Variants in GNRH2 observed in about 807,000 individuals in gnomAD.
GNRH2 encodes the protein progonadoliberin-2.
In GNRH2, 15 loss-of-function variants were observed where a neutral mutation model predicts 12.1. The ratio of observed to expected loss-of-function variants is 1.24; its 90% CI spans 0.83 to 1.90. The LOEUF (loss-of-function observed/expected upper bound fraction) is 1.90, where lower values mean the gene tolerates loss of function less well. Among genes scored for constraint, GNRH2 ranks in the 40% most tolerant of loss-of-function variants. The probability of loss-of-function intolerance (pLI) is 0.00; values close to 1 mark genes in which losing one functional copy is unlikely to be tolerated. For synonymous variants in GNRH2, 60 were observed against 62.0 expected, an observed-to-expected ratio of 0.97 and a Z score of 0.15; for missense variants, 143 against 141.4, an observed-to-expected ratio of 1.01 and a Z score of -0.06.
Position 3,044,586 on chromosome 20 carries a change from TCA to T in GNRH2, c.154+19_154+20del, listed in dbSNP as rs778412790. 5 of 1,612,060 alleles carry T rather than the reference TCA, an allele frequency of 3.1e-6. No individual in the cohort carries two copies. The highest frequency in any genetic ancestry group is 4.2e-6 in the Non-Finnish European group (5 of 1,178,810). On this transcript the variant is annotated intron_variant, in intron 2 of 3. Transcript: ENST00000359100. ...GCCCCCAGGTGGGTGTCTCCCAGCC[TCA>T]TGGGGAGGAAGAAAGTGATGGCCGG...
At position 3,044,430 on chromosome 20, in the gene GNRH2, C is replaced by T. The variant is rs144772130; in HGVS notation, c.16C>T (p.Arg6Ter). The T allele has an allele frequency of 1.6e-4, 254 of 1,613,286 alleles. No homozygotes were observed. The highest frequency in any genetic ancestry group is 2.0e-4 in the Non-Finnish European group (236 of 1,179,640). The part of the protein sequence containing the change: MASSR[R>*]GLLLLLLLTA... The stretch of plus-strand genomic sequence containing the variant: ...TAGAGCAGCCATGGCCAGCTCCAGG[C>T]GAGGCCTCCTGCTCCTGCTGCTGCT... Residue 6 changes from arginine to a stop codon, truncating the protein, a stop_gained, in exon 2 of 4, where the codon CGA (arginine) becomes TGA (stop). Coordinates refer to ENST00000359100, the MANE Select transcript of GNRH2 (RefSeq NM_178331.2). LOFTEE classifies it high-confidence loss of function.
At chr20:3,044,364 G>A (rs376975846) in intron 1 of GNRH2, 44 bp from the exon 2 acceptor site, 4 of 1,548,476 alleles carry the variant, frequency 2.6e-6, no homozygotes, top group Admixed American at 3.4e-5. Flanking sequence ...AGGGGGATGT[G>A]GGGGTGAGGT....
chr20:3,044,489 C>G lies in GNRH2; in HGVS notation c.75C>G (p.His25Gln). ...TAHLGPSEAQ[H>Q]WSHGWYPGGK... ...ACCTTGGACCCTCAGAGGCTCAGCACTGGTCCCATGGCTGGTACCCTGGAG... is the reference window on the plus strand; with the variant it reads ...ACCTTGGACCCTCAGAGGCTCAGCAGTGGTCCCATGGCTGGTACCCTGGAG... The change falls in exon 2 of 4, where the codon CAC becomes CAG. Residue 25 changes from histidine to glutamine, a missense_variant. Coordinates refer to ENST00000359100, the MANE Select transcript of GNRH2 (RefSeq NM_178331.2). The G allele has an allele frequency of 6.2e-7, 1 of 1,613,752 alleles. No homozygotes were observed. Among genetic ancestry groups the G allele is most frequent in the Non-Finnish European group, 8.5e-7 (1 of 1,179,878 alleles).
At chr20:3,044,957 C>A in intron 3 of GNRH2, 121 bp downstream of exon 3, 1 of 734,042 alleles carries the variant, frequency 1.4e-6, no homozygotes, top group Non-Finnish European at 2.3e-6. Flanking sequence ...TGCCCCCTGC[C>A]ACAGCACCCC....
chr20:3,044,932 G>C (rs981482638), intron 3 of GNRH2, 96 bp downstream of exon 3: 8 of 973,754 alleles, frequency 8.2e-6, no homozygotes, highest in Admixed American at 2.3e-5. Context: ...TGGGGAGAAT[G>C]AAACACCACT....
chr20:3,044,611 C>A (rs753061517), intron 2 of GNRH2, 43 bp downstream of exon 2: 3 of 1,609,744 alleles, frequency 1.9e-6, no homozygotes, highest in African/African-American at 2.7e-5. Flanking sequence ...AAGTGATGGC[C>A]GGGGGCTCCC....
chr20:3,045,705 G>GCCCCCC lies in GNRH2; in HGVS notation c.315_316insCCCCCC (p.Pro105_Ala106insProPro). ...CCGCAGACCGCAGCCCGAGAGCCCC[G>GCCCCCC]CCCCGCCCCGCCATCCTCCAATAAA... On this transcript the variant is annotated inframe_insertion, in exon 4 of 4. Transcript: ENST00000359100. 4 of 1,563,914 alleles carry GCCCCCC rather than the reference G, an allele frequency of 2.6e-6. No homozygotes were observed. Among genetic ancestry groups the GCCCCCC allele is most frequent in the Non-Finnish European group, 3.5e-6 (4 of 1,136,658 alleles).
At chr20:3,044,937 A>C (rs2065973662) in intron 3 of GNRH2, 101 bp downstream of exon 3, 6 of 917,530 alleles carry the variant, frequency 6.5e-6, no homozygotes, top group Middle Eastern at 3.3e-4. Context: ...AGAATGAAAC[A>C]CCACTGAGAT....
chr20:3,045,655 T>C (rs763885965), intron 3 of GNRH2, 31 bp from the exon 4 acceptor site: 1 of 1,592,582 alleles, frequency 6.3e-7, no homozygotes, highest in East Asian at 2.2e-5. Context: ...ACCAGTGTCC[T>C]GAGACATGAC....
At chr20:3,043,735 GCTC>G (rs2065957698) in intron 1 of GNRH2, 70 bp downstream of exon 1, 1 of 152,652 alleles carries the variant, frequency 6.6e-6, no homozygotes, top group African/African-American at 2.4e-5. Context: ...ATGGTGTGCT[GCTC>G]CTCTTCCCCA....
chr20:3,045,662 T>C (rs755035669), intron 3 of GNRH2, 24 bp from the exon 4 acceptor site: 3 of 1,603,196 alleles, frequency 1.9e-6, no homozygotes, highest in African/African-American at 1.3e-5. Context: ...TCCTGAGACA[T>C]GACCGCCACC....
chr20:3,044,344 T>C, intron 1 of GNRH2, 64 bp from the exon 2 acceptor site: 1 of 1,388,794 alleles, frequency 7.2e-7, no homozygotes, highest in East Asian at 2.3e-5. Context: ...AAAGTGGCCC[T>C]GGAGGAAGTA....
In GNRH2 at chr20:3,045,702, C is replaced by T. The variant is rs763681690; in HGVS notation, c.308C>T (p.Pro103Leu). The change falls in exon 4 of 4, where the codon CCC becomes CTC. Residue 103 changes from proline (P) to leucine (L), a missense_variant. Transcript: ENST00000359100. ...CCTCCGCAGACCGCAGCCCGAGAGC[C>T]CCGCCCCGCCCCGCCATCCTCCAAT... is the stretch of plus-strand genomic sequence containing the variant. ...ARTLLTAAREPRPAPPSSNKV is the reference protein window; with the variant it reads ...ARTLLTAARELRPAPPSSNKV 2 of 1,586,168 alleles carry T rather than the reference C, an allele frequency of 1.3e-6. No individual in the cohort carries two copies. The highest frequency in any genetic ancestry group is 2.2e-5 in the South Asian group (2 of 90,152).
chr20:3,045,616 C>A, intron 3 of GNRH2, 70 bp from the exon 4 acceptor site: 1 of 1,337,508 alleles, frequency 7.5e-7, no homozygotes, highest in Admixed American at 1.7e-5. Context: ...GGGAGAGAAC[C>A]AGGAAGATGG....
intron 2 of GNRH2, 33 bp downstream of exon 2, chr20:3,044,601 A>C: frequency 6.2e-7 from 1 of 1,611,390 alleles, no homozygotes; most frequent in Non-Finnish European, 8.5e-7. Flanking sequence ...GGGAGGAAGA[A>C]AGTGATGGCC....
chr20:3,045,515 G>T (rs1015122375), intron 3 of GNRH2, among the ~76,000 whole-genome samples, 171 bp from the exon 4 acceptor site: 3 of 152,024 alleles, frequency 2.0e-5, no homozygotes, highest in African/African-American at 7.3e-5. Context: ...GGGAGCTGGA[G>T]ATCCCCACAC....
Position 3,045,692 on chromosome 20 carries a change from G to T in GNRH2, c.298G>T (p.Ala100Ser). The change falls in exon 4 of 4, where the codon GCC becomes TCC. Residue 100 changes from alanine to serine, a missense_variant. Ala to Ser is a moderately conservative substitution (Grantham distance 99). Transcript: ENST00000359100. Reference sequence around the variant, plus strand: ...GCCACCTCTCCCTCCGCAGACCGCAGCCCGAGAGCCCCGCCCCGCCCCGCC... The same window carrying T: ...GCCACCTCTCCCTCCGCAGACCGCATCCCGAGAGCCCCGCCCCGCCCCGCC... ...RHLARTLLTAAREPRPAPPSS... is the reference protein window; with the variant it reads ...RHLARTLLTASREPRPAPPSS... 6.2e-7 allele frequency: 1 copy of T among 1,602,460 alleles called. No homozygotes were observed. Among genetic ancestry groups the T allele is most frequent in the Non-Finnish European group, 8.5e-7 (1 of 1,172,940 alleles).
At chr20:3,044,648 G>A (rs1390948150) in intron 2 of GNRH2, 52 bp from the exon 3 acceptor site, 1 of 1,606,620 alleles carries the variant, frequency 6.2e-7, no homozygotes, top group African/African-American at 1.3e-5. Flanking sequence ...TGAGGTCGGG[G>A]TAGGGAGGAC....
In GNRH2 at chr20:3,044,842, T is replaced by G. The variant is rs1334221477; in HGVS notation, c.291+6T>G. ...ACCTGGCACGGACACTGCTGGTGAG[T>G]AGGGTGAGAGGTCCCCAGCATCAAG... On this transcript the variant is annotated splice_donor_region_variant and intron_variant, in intron 3 of 3. Transcript: ENST00000359100. The G allele has an allele frequency of 1.3e-6, 2 of 1,597,256 alleles. No homozygotes were observed. The highest frequency in any genetic ancestry group is 1.7e-6 in the Non-Finnish European group (2 of 1,167,852).
Sources: allele counts gnomAD v4.1 joint callset (sites outside exome capture counted in the v4.1 genomes callset), GRCh38; gene constraint gnomAD v4.1.1; transcripts MANE v1.5; gene names NCBI Gene and HGNC (gene_info 2026-07-23, HGNC 2026-07-21).